The following EYS variants were observed in gnomAD, a reference collection of about 807,000 sequenced individuals.
The protein encoded by EYS is protein eyes shut homolog.
Under a neutral mutation model 282.1 loss-of-function variants are expected in EYS, and 250 were observed. The observed-to-expected ratio is 0.89, with a 90% CI of 0.80 to 0.98. The LOEUF is 0.98. EYS is among the 50% of genes least tolerant of loss of function. The probability of loss-of-function intolerance (pLI) is 0.00; values close to 1 mark genes in which losing one functional copy is unlikely to be tolerated. For synonymous variants in EYS, 1,355 were observed against 1,282.9 expected, an observed-to-expected ratio of 1.06 and a Z score of -1.20; for missense variants, 4,016 against 3,709.0, an observed-to-expected ratio of 1.08 and a Z score of -2.15.
At chr6:64,275,508 C>T (rs1046807292) in intron 30 of EYS, among the ~76,000 whole-genome samples, 5 of 142,034 alleles carry the variant, frequency 3.5e-5, no homozygotes, top group African/African-American at 1.3e-4. Context: ...GTGGTGTGAT[C>T]CGGGTTCACG....
intron 2 of EYS, among the ~76,000 whole-genome samples, chr6:65,502,643 A>T (rs1766497443): frequency 6.6e-6 from 1 of 151,590 alleles, no homozygotes; most frequent in Non-Finnish European, 1.5e-5. Flanking sequence ...TATTCAGGCT[A>T]CTACATTACA....
intron 12 of EYS, among the ~76,000 whole-genome samples, chr6:65,182,278 A>G (rs1457155797): frequency 1.3e-5 from 2 of 151,368 alleles, no homozygotes; most frequent in Non-Finnish European, 3.0e-5. Context: ...ATGTTAAAAG[A>G]AAAAAGAGAA....
At chr6:63,934,191 CACA>C (rs1297045030) in intron 35 of EYS, among the ~76,000 whole-genome samples, 1 of 152,146 alleles carries the variant, frequency 6.6e-6, no homozygotes, top group African/African-American at 2.4e-5. Flanking sequence ...AAATCAAAAT[CACA>C]ACGAGATACC....
chr6:65,676,506 A>C (rs1768606569), intron 1 of EYS, among the ~76,000 whole-genome samples: 1 of 151,890 alleles, frequency 6.6e-6, no homozygotes. Flanking sequence ...AGACTAAATC[A>C]TGAAGAAATA....
intron 1 of EYS, among the ~76,000 whole-genome samples, chr6:65,663,549 G>A (rs1768079473): frequency 6.6e-6 from 1 of 152,188 alleles, no homozygotes; most frequent in Non-Finnish European, 1.5e-5. Context: ...AGGCATCAGG[G>A]AAACCAAATG....
chr6:64,032,109 G>A (rs1053736302), intron 33 of EYS, among the ~76,000 whole-genome samples: 8 of 151,972 alleles, frequency 5.3e-5, no homozygotes, highest in Admixed American at 1.3e-4. Flanking sequence ...AACTCCAGAC[G>A]TGCCACCTTA....
At chr6:65,268,771 G>T (rs1391918701) in intron 12 of EYS, among the ~76,000 whole-genome samples, 3 of 150,838 alleles carry the variant, frequency 2.0e-5, no homozygotes, top group Non-Finnish European at 3.0e-5. Context: ...AAGAGGAATT[G>T]TTTTTTGTAA....
At chr6:64,429,546 G>A (rs917264001) in intron 28 of EYS, among the ~76,000 whole-genome samples, 8 of 152,128 alleles carry the variant, frequency 5.3e-5, no homozygotes, top group Admixed American at 1.3e-4. Context: ...AAGGAGAATC[G>A]CTTAAATCAC....
At chr6:64,890,240 T>C (rs1311402819) in intron 18 of EYS, among the ~76,000 whole-genome samples, 1 of 152,150 alleles carries the variant, frequency 6.6e-6, no homozygotes, top group African/African-American at 2.4e-5. Context: ...CAAAACTTCA[T>C]TAGCAATTTT....
chr6:64,910,116 A>G (rs1767948113), intron 16 of EYS, among the ~76,000 whole-genome samples: 1 of 152,132 alleles, frequency 6.6e-6, no homozygotes, highest in East Asian at 1.9e-4. Context: ...ACAAACACCA[A>G]CAACTTACAA....
At chr6:64,026,326 A>C (rs117138498) in intron 33 of EYS, among the ~76,000 whole-genome samples, 4,324 of 152,294 alleles carry the variant, frequency 0.028, 131 homozygotes, top group East Asian at 0.069. Context: ...GAAACAAAAC[A>C]AACCAAAACC....
chr6:65,208,777 C>T (rs1271145540), intron 12 of EYS, among the ~76,000 whole-genome samples: 3 of 150,206 alleles, frequency 2.0e-5, no homozygotes, highest in African/African-American at 7.3e-5. Flanking sequence ...ATAATAGACA[C>T]CAGTGATGCC....
chr6:65,042,060 T>G (rs1033221657), intron 13 of EYS, among the ~76,000 whole-genome samples: 1 of 151,624 alleles, frequency 6.6e-6, no homozygotes, highest in Admixed American at 6.6e-5. Flanking sequence ...GCATATTGTA[T>G]GCATGGTTCT....
At chr6:64,501,441 T>C (rs1777040582) in intron 26 of EYS, among the ~76,000 whole-genome samples, 1 of 152,114 alleles carries the variant, frequency 6.6e-6, no homozygotes. Flanking sequence ...TAAATATGTA[T>C]GTATGTATAT....
intron 19 of EYS, among the ~76,000 whole-genome samples, chr6:64,843,415 G>A (rs956727101): frequency 2.0e-5 from 3 of 152,154 alleles, no homozygotes; most frequent in Non-Finnish European, 2.9e-5. Flanking sequence ...GCTATACCCT[G>A]AAAAGCCACA....
At chr6:63,851,337 CA>C (rs1772244577) in intron 36 of EYS, among the ~76,000 whole-genome samples, 1 of 152,148 alleles carries the variant, frequency 6.6e-6, no homozygotes, top group African/African-American at 2.4e-5. Context: ...TAGACATCTA[CA>C]GAACTCTCCA....
chr6:63,750,625 T>G (rs896404579), intron 41 of EYS, among the ~76,000 whole-genome samples: 1 of 152,214 alleles, frequency 6.6e-6, no homozygotes, highest in Non-Finnish European at 1.5e-5. Flanking sequence ...TGGACTCATG[T>G]TCTACTGTTT....
chr6:64,037,766 C>T (rs1444136205), intron 33 of EYS, among the ~76,000 whole-genome samples: 3 of 152,134 alleles, frequency 2.0e-5, no homozygotes, highest in Admixed American at 6.5e-5. Context: ...GATTTTTCAC[C>T]TCCTCCTAAA....
At chr6:65,062,836 G>GTCTTTTAC (rs1561946809) in intron 12 of EYS, among the ~76,000 whole-genome samples, 1 of 151,794 alleles carries the variant, frequency 6.6e-6, no homozygotes, top group Admixed American at 6.6e-5. Flanking sequence ...TCACATCACC[G>GTCTTTTAC]TCTTTTACTT....
Sources: allele counts gnomAD v4.1 joint callset (sites outside exome capture counted in the v4.1 genomes callset), GRCh38; gene constraint gnomAD v4.1.1; transcripts MANE v1.5; gene names NCBI Gene and HGNC (gene_info 2026-07-23, HGNC 2026-07-21).